The following SPMAP2L variants were observed in gnomAD, a reference collection of about 807,000 sequenced individuals.
The protein encoded by SPMAP2L is sperm microtubule associated protein 2-like.
chr4:56,608,662 A>T, the SPMAP2L span, among the ~76,000 whole-genome samples: 1 of 152,180 alleles, frequency 6.6e-6, no homozygotes, highest in Non-Finnish European at 1.5e-5. Flanking sequence ...GCCCAGGTAC[A>T]ATATAGTTGG....
At chr4:56,565,418 C>T in the SPMAP2L span, among the ~76,000 whole-genome samples, 11 of 152,150 alleles carry the variant, frequency 7.2e-5, no homozygotes, top group Non-Finnish European at 8.8e-5. Context: ...ATCCAAAATG[C>T]TCCAAATCCA....
the SPMAP2L span, among the ~76,000 whole-genome samples, chr4:56,570,282 A>G: frequency 6.6e-6 from 1 of 152,180 alleles, no homozygotes; most frequent in African/African-American, 2.4e-5. Context: ...CACCACAACT[A>G]TTTACAGTTA....
the SPMAP2L span, among the ~76,000 whole-genome samples, chr4:56,588,659 A>G: frequency 6.6e-6 from 1 of 152,090 alleles, no homozygotes; most frequent in South Asian, 2.1e-4. Flanking sequence ...TTGAACTCCC[A>G]ACCTCAGGTG....
chr4:56,586,436 C>A, the SPMAP2L span, among the ~76,000 whole-genome samples: 555 of 152,206 alleles, frequency 3.6e-3, 5 homozygotes, highest in African/African-American at 0.013. Flanking sequence ...TATGGGGGCT[C>A]CAGTCTCATG....
chr4:56,625,697 A>G, the SPMAP2L span, among the ~76,000 whole-genome samples: 1 of 152,168 alleles, frequency 6.6e-6, no homozygotes, highest in Non-Finnish European at 1.5e-5. Context: ...ACCTCCCGCC[A>G]TGATTCTGAG....
chr4:56,536,319 G>A, the SPMAP2L span, among the ~76,000 whole-genome samples: 1 of 152,144 alleles, frequency 6.6e-6, no homozygotes, highest in Admixed American at 6.5e-5. Flanking sequence ...CAGGCACATG[G>A]GCATCCTTGC....
At chr4:56,578,739 C>T in the SPMAP2L span, among the ~76,000 whole-genome samples, 1 of 151,922 alleles carries the variant, frequency 6.6e-6, no homozygotes, top group Non-Finnish European at 1.5e-5. Flanking sequence ...AACATTGTTA[C>T]TAAAGACAGA....
the SPMAP2L span, chr4:56,559,367 A>AT: frequency 2.1e-6 from 3 of 1,396,724 alleles, no homozygotes; most frequent in Non-Finnish European, 2.8e-6. Flanking sequence ...TTTTTTTACC[A>AT]TTTTATCTGT....
chr4:56,539,262 A>T, the SPMAP2L span, among the ~76,000 whole-genome samples: 1 of 152,196 alleles, frequency 6.6e-6, no homozygotes, highest in South Asian at 2.1e-4. Context: ...TAAGACATGG[A>T]TTCCTTCCTT....
At chr4:56,576,867 C>T in the SPMAP2L span, among the ~76,000 whole-genome samples, 1 of 152,088 alleles carries the variant, frequency 6.6e-6, no homozygotes, top group South Asian at 2.1e-4. Context: ...AAATAAAATG[C>T]CCTTTAGTTA....
the SPMAP2L span, among the ~76,000 whole-genome samples, chr4:56,576,045 G>A: frequency 2.8e-3 from 428 of 152,244 alleles, 4 homozygotes; most frequent in African/African-American, 9.6e-3. Context: ...TTTTCCATGG[G>A]AGCTAAGATT....
chr4:56,579,592 A>G, the SPMAP2L span, among the ~76,000 whole-genome samples: 1 of 152,138 alleles, frequency 6.6e-6, no homozygotes, highest in Non-Finnish European at 1.5e-5. Context: ...CAACATAGTG[A>G]GACCCTATCT....
chr4:56,587,357 T>C, the SPMAP2L span, among the ~76,000 whole-genome samples: 1 of 152,094 alleles, frequency 6.6e-6, no homozygotes, highest in Non-Finnish European at 1.5e-5. Context: ...GTACAGGTAG[T>C]GTTTGGTTAC....
chr4:56,615,405 G>T, the SPMAP2L span, among the ~76,000 whole-genome samples: 620 of 152,286 alleles, frequency 4.1e-3, 2 homozygotes, highest in Non-Finnish European at 6.6e-3. Context: ...CTAAATCAGG[G>T]TATGTCAACC....
At chr4:56,555,613 A>G in the SPMAP2L span, among the ~76,000 whole-genome samples, 2 of 152,248 alleles carry the variant, frequency 1.3e-5, no homozygotes, top group South Asian at 2.1e-4. Flanking sequence ...CTCCACTTAT[A>G]TAGCTCTTTT....
the SPMAP2L span, among the ~76,000 whole-genome samples, chr4:56,550,659 C>T: frequency 8.0e-3 from 1,217 of 152,164 alleles, 17 homozygotes; most frequent in African/African-American, 0.028. Context: ...AAGGCTGTGA[C>T]GAGTGTGGTT....
At chr4:56,579,511 T>C in the SPMAP2L span, among the ~76,000 whole-genome samples, 1 of 151,944 alleles carries the variant, frequency 6.6e-6, no homozygotes, top group Non-Finnish European at 1.5e-5. Context: ...GGTTCACATC[T>C]GTAATCCCAG....
chr4:56,573,744 T>G, the SPMAP2L span, among the ~76,000 whole-genome samples: 1 of 152,130 alleles, frequency 6.6e-6, no homozygotes. Context: ...GGTGAGTCAG[T>G]GCAGTTGGGC....
chr4:56,610,171 G>A, the SPMAP2L span, among the ~76,000 whole-genome samples: 1 of 152,132 alleles, frequency 6.6e-6, no homozygotes, highest in South Asian at 2.1e-4. Context: ...GAGCAAATCT[G>A]GAGGTATCAC....
Sources: allele counts gnomAD v4.1 joint callset (sites outside exome capture counted in the v4.1 genomes callset), GRCh38; gene constraint gnomAD v4.1.1; transcripts MANE v1.5; gene names NCBI Gene and HGNC (gene_info 2026-07-23, HGNC 2026-07-21).